Variants in WARS2 observed in about 807,000 individuals in gnomAD.
WARS2 encodes tryptophan--tRNA ligase, mitochondrial.
Under a neutral mutation model 36.5 loss-of-function variants are expected in WARS2, and 28 were observed. The observed-to-expected ratio is 0.77, with a 90% confidence interval of 0.57 to 1.05. The LOEUF is 1.05. Among genes scored for constraint, WARS2 ranks in the 50% least tolerant of loss-of-function variants. The pLI, the probability that WARS2 is intolerant of heterozygous loss-of-function variation, is 0.00. For missense variants in WARS2, 435 were observed against 456.8 expected, an observed-to-expected ratio of 0.95 and a Z score of 0.44; for synonymous variants, 174 against 178.4, an observed-to-expected ratio of 0.98 and a Z score of 0.20.
At chr1:119,056,773 C>T (rs745927775) in intron 2 of WARS2, among the ~76,000 whole-genome samples, 25 of 151,844 alleles carry the variant, frequency 1.6e-4, no homozygotes, top group Non-Finnish European at 3.1e-4. Flanking sequence ...ATTTGTTTGG[C>T]TTATTCTATA....
chr1:119,140,517 G>T, intron 1 of WARS2, 38 bp downstream of exon 1: 1 of 1,593,904 alleles, frequency 6.3e-7, no homozygotes, highest in Non-Finnish European at 8.6e-7. Flanking sequence ...AACCTCGCGG[G>T]ATGGGAAGCC....
chr1:119,113,058 G>A (rs973917915), intron 1 of WARS2, among the ~76,000 whole-genome samples: 1 of 152,150 alleles, frequency 6.6e-6, no homozygotes, highest in Admixed American at 6.6e-5. Flanking sequence ...GTGAGTCCAT[G>A]GTCAGTAGGT....
At chr1:119,137,392 A>G (rs1334351063) in intron 1 of WARS2, among the ~76,000 whole-genome samples, 1 of 152,224 alleles carries the variant, frequency 6.6e-6, no homozygotes, top group South Asian at 2.1e-4. Context: ...ACTTAGCGAT[A>G]GTTAACAGCA....
At chr1:119,140,667 TG>T, upstream of WARS2, 6 of 1,605,274 alleles carry the variant, frequency 3.7e-6, no homozygotes, top group Non-Finnish European at 5.1e-6. Flanking sequence ...GGAGCCGTCT[TG>T]TTTGGAATGA....
chr1:119,130,042 C>T (rs2101566206), intron 1 of WARS2, among the ~76,000 whole-genome samples: 1 of 152,076 alleles, frequency 6.6e-6, no homozygotes, highest in African/African-American at 2.4e-5. Flanking sequence ...AGACCTAGGG[C>T]TGTTCTCTCC....
intron 1 of WARS2, chr1:119,085,048 G>A: frequency 4.3e-6 from 3 of 690,058 alleles, no homozygotes; most frequent in South Asian, 1.6e-5. Context: ...TCCCGGCAGC[G>A]CTGGGTCCTT....
chr1:119,123,166 T>C (rs1156598602), intron 1 of WARS2, among the ~76,000 whole-genome samples: 2 of 152,348 alleles, frequency 1.3e-5, no homozygotes, highest in Middle Eastern at 3.4e-3. Context: ...GTTAGGCACA[T>C]TAACATATCT....
rs1340412672 is a variant in WARS2 at position 119,031,956 on chromosome 1, C to T, written c.*955G>A. ...TGATGATATAAAAAACATCATCAGTCGTTCCAACACCCACCTTCAAAATCA... is the reference window on the plus strand; with the variant it reads ...TGATGATATAAAAAACATCATCAGTTGTTCCAACACCCACCTTCAAAATCA... On this transcript the variant is annotated 3_prime_UTR_variant, in exon 6 of 6. Transcript: ENST00000235521. The T allele has an allele frequency of 1.3e-5, 2 of 152,702 alleles. No individual in the cohort carries two copies. The highest frequency in any genetic ancestry group is 2.4e-5 in the African/African-American group (1 of 41,424). 9.5% of individuals were successfully genotyped at this position (152,702 alleles called of 1,614,324 possible).
chr1:119,058,286 C>G (rs185574954), intron 2 of WARS2, among the ~76,000 whole-genome samples: 2 of 146,878 alleles, frequency 1.4e-5, no homozygotes, highest in Admixed American at 6.9e-5. Flanking sequence ...ATATGTGGGT[C>G]TACTTCTTGA....
chr1:119,046,706 C>T (rs1159944436), intron 2 of WARS2, among the ~76,000 whole-genome samples: 1 of 151,798 alleles, frequency 6.6e-6, no homozygotes, highest in Non-Finnish European at 1.5e-5. Context: ...AACCTGATGA[C>T]CTAGAATTTA....
intron 1 of WARS2, among the ~76,000 whole-genome samples, chr1:119,135,935 T>G (rs186084720): frequency 6.6e-6 from 1 of 152,290 alleles, no homozygotes; most frequent in Non-Finnish European, 1.5e-5. Flanking sequence ...TAAGCCCAGC[T>G]AATTTTTTGA....
At chr1:119,098,301 CTT>C (rs2101442313) in intron 1 of WARS2, among the ~76,000 whole-genome samples, 1 of 152,224 alleles carries the variant, frequency 6.6e-6, no homozygotes, top group East Asian at 1.9e-4. Context: ...ATAAAATACT[CTT>C]AGAATAATAA....
intron 2 of WARS2, among the ~76,000 whole-genome samples, chr1:119,066,243 T>C (rs534921761): frequency 4.3e-4 from 65 of 151,874 alleles, no homozygotes; most frequent in Middle Eastern, 3.4e-3. Flanking sequence ...TTTGGGAGGC[T>C]AAGGTGGGCG....
chr1:119,118,783 C>T (rs1655150264), intron 1 of WARS2, among the ~76,000 whole-genome samples: 1 of 152,122 alleles, frequency 6.6e-6, no homozygotes, highest in South Asian at 2.1e-4. Context: ...TTTTTAGCCT[C>T]CTTAAACAAA....
intron 2 of WARS2, among the ~76,000 whole-genome samples, chr1:119,065,922 T>TACA (rs1650805039): frequency 6.6e-6 from 1 of 152,188 alleles, no homozygotes; most frequent in Non-Finnish European, 1.5e-5. Flanking sequence ...TATTAACCAA[T>TACA]GTGATTTTTA....
chr1:119,122,248 T>C (rs1395338791), intron 1 of WARS2, among the ~76,000 whole-genome samples: 1 of 152,058 alleles, frequency 6.6e-6, no homozygotes, highest in East Asian at 1.9e-4. Flanking sequence ...GAATAGACAA[T>C]TCTCAAAAGA....
chr1:119,076,714 A>G, intron 1 of WARS2, 107 bp from the exon 2 acceptor site: 2 of 1,468,882 alleles, frequency 1.4e-6, no homozygotes, highest in South Asian at 1.3e-5. Flanking sequence ...GTAAACTACA[A>G]TCTGACAGTC....
In WARS2 at chr1:119,049,951, A is replaced by T. The variant is rs147278300; in HGVS notation, c.349-4289T>A. Reference sequence around the variant, plus strand: ...CCCTACAGTCTATTCTTACCATACCAGCCTAAGTGACGCCTTTACAACATA... The same window carrying T: ...CCCTACAGTCTATTCTTACCATACCTGCCTAAGTGACGCCTTTACAACATA... On this transcript the variant is annotated intron_variant, in intron 2 of 5. Coordinates refer to ENST00000235521, the MANE Select transcript of WARS2 (RefSeq NM_015836.4). Among the ~76,000 whole-genome samples the T allele has an allele frequency of 3.5e-3, 539 of 152,242 alleles. 1 individual carries two copies. The highest frequency in any genetic ancestry group is 0.012 in the African/African-American group (517 of 41,546).
chr1:119,098,310 A>G (rs908221492), intron 1 of WARS2, among the ~76,000 whole-genome samples: 1 of 152,218 alleles, frequency 6.6e-6, no homozygotes, highest in African/African-American at 2.4e-5. Flanking sequence ...TCTTAGAATA[A>G]TAAGTGCTTA....
Sources: allele counts gnomAD v4.1 joint callset (sites outside exome capture counted in the v4.1 genomes callset), GRCh38; gene constraint gnomAD v4.1.1; transcripts MANE v1.5; gene names NCBI Gene and HGNC (gene_info 2026-07-23, HGNC 2026-07-21).